FSHR: variants seen among roughly 807,000 people sequenced by gnomAD.
FSHR encodes the protein follicle-stimulating hormone receptor.
Under a neutral mutation model 52.1 loss-of-function variants are expected in FSHR, and 46 were observed. The ratio of observed to expected loss-of-function variants is 0.88; its 90% CI spans 0.70 to 1.13. FSHR has a LOEUF of 1.13. Ranked by LOEUF, FSHR falls within the 50% of genes most tolerant of loss-of-function variation. The pLI is 0.00. For missense variants in FSHR, 964 were observed against 834.6 expected (o/e 1.16, Z -1.91); for synonymous variants, 399 against 309.6 (o/e 1.29, Z -3.03).
chr2:49,008,273 G>A (rs1057378379), intron 4 of FSHR, among the ~76,000 whole-genome samples: 5 of 132,004 alleles, frequency 3.8e-5, no homozygotes, highest in East Asian at 4.7e-4. Context: ...GAGAATATGC[G>A]GTGTTTGGTT....
chr2:49,052,882 A>AG (rs1179423851), intron 2 of FSHR, among the ~76,000 whole-genome samples: 1 of 152,224 alleles, frequency 6.6e-6, no homozygotes, highest in Non-Finnish European at 1.5e-5. Flanking sequence ...TTGCAGTTAC[A>AG]GTTCTGGTTA....
intron 4 of FSHR, among the ~76,000 whole-genome samples, chr2:48,998,697 T>C (rs1676130980): frequency 6.6e-6 from 1 of 152,002 alleles, no homozygotes. Context: ...CTACCTATTT[T>C]AGTGAAGTTT....
chr2:49,124,101 C>T (rs1671914679), intron 1 of FSHR, among the ~76,000 whole-genome samples: 1 of 151,368 alleles, frequency 6.6e-6, no homozygotes, highest in Admixed American at 6.6e-5. Flanking sequence ...TTAGGCAATT[C>T]TCTGTCTCAG....
In FSHR at chr2:48,963,406, G is replaced by T. The variant is rs766731004; in HGVS notation, c.1415C>A (p.Thr472Lys). 1 of 1,614,100 alleles carries T rather than the reference G, an allele frequency of 6.2e-7. No homozygotes were observed. Among genetic ancestry groups the T allele is most frequent in the Non-Finnish European group, 8.5e-7 (1 of 1,179,976 alleles). Residue 472 changes from threonine (T) to lysine (K), a missense_variant, in exon 10 of 10, where the codon ACG becomes AAG. Physicochemically the swap from Thr to Lys is moderately conservative, Grantham distance 78 (BLOSUM62 -1). Coordinates refer to ENST00000406846, the MANE Select transcript of FSHR (RefSeq NM_000145.4). Reference protein sequence around the residue: ...AITLERWHTITHAMQLDCKVQ... With the variant: ...AITLERWHTIKHAMQLDCKVQ... ...CTTGCAGTCCAGCTGCATGGCATGC[G>T]TGATGGTATGCCATCTTTCCAAGGT...
chr2:48,964,023 A>T (rs1674361557), intron 9 of FSHR, 57 bp from the exon 10 acceptor site: 1 of 1,541,018 alleles, frequency 6.5e-7, no homozygotes, highest in Non-Finnish European at 8.9e-7. Context: ...TAGCAAATAC[A>T]TCACTGTCTT....
intron 4 of FSHR, among the ~76,000 whole-genome samples, chr2:49,017,129 A>G (rs374957380): frequency 6.6e-6 from 1 of 152,238 alleles, no homozygotes; most frequent in African/African-American, 2.4e-5. Context: ...TATGCAGAAT[A>G]AGAGAGACAA....
intron 3 of FSHR, 70 bp downstream of exon 3, chr2:49,020,016 G>A: frequency 1.5e-6 from 2 of 1,318,300 alleles, no homozygotes; most frequent in Non-Finnish European, 2.2e-6. Context: ...GGGCCTCCCA[G>A]GAATGTAGAA....
At chr2:49,057,319 G>A (rs1432494993) in intron 2 of FSHR, among the ~76,000 whole-genome samples, 1 of 151,776 alleles carries the variant, frequency 6.6e-6, no homozygotes, top group Non-Finnish European at 1.5e-5. Context: ...AATCAGAAAT[G>A]AAAAACATAC....
rs149862681 is a variant in FSHR at position 49,148,424 on chromosome 2, A to C, written c.152+5842T>G. On this transcript the variant is annotated intron_variant, in intron 1 of 9. Transcript: ENST00000406846. ...CATCTTTTATAAGAATTCTTTATTC[A>C]ATACTGAGGAGCAGAGCAAATAAAC... Among the ~76,000 whole-genome samples the C allele has an allele frequency of 7.9e-5, 12 of 152,184 alleles. No individual in the cohort carries two copies. In the East Asian group the frequency reaches 2.1e-3, roughly 27 times the overall value.
chr2:49,025,593 T>C (rs539347862), intron 2 of FSHR, among the ~76,000 whole-genome samples: 4 of 152,130 alleles, frequency 2.6e-5, no homozygotes, highest in Non-Finnish European at 4.4e-5. Context: ...AAAATTCCCA[T>C]GAAAATATGT....
chr2:49,017,539 C>T lies in FSHR; in HGVS notation c.324G>A (p.Leu108=), dbSNP rs1445254720. The T allele has an allele frequency of 1.9e-6, 3 of 1,613,480 alleles. No individual in the cohort carries two copies. Among genetic ancestry groups the T allele is most frequent in the East Asian group, 2.2e-5 (1 of 44,852 alleles). The change falls in exon 4 of 10, where the codon CTG becomes CTA. Residue 108 remains leucine, a synonymous_variant. Transcript: ENST00000406846. ...GGAAGGCCTCAGGGTTGATGTAGAGCAGGTTGTTGGCCTTTTCAATTCTAC... is the reference window on the plus strand; with the variant it reads ...GGAAGGCCTCAGGGTTGATGTAGAGTAGGTTGTTGGCCTTTTCAATTCTAC... The part of the protein sequence containing the change: ...HEIRIEKANN[L]LYINPEAFQN...
intron 5 of FSHR, among the ~76,000 whole-genome samples, chr2:48,990,280 A>T (rs1675708519): frequency 6.6e-6 from 1 of 152,088 alleles, no homozygotes; most frequent in Admixed American, 6.6e-5. Flanking sequence ...GGGGGGCAGT[A>T]ATTAAAGCGC....
intron 9 of FSHR, among the ~76,000 whole-genome samples, chr2:48,964,979 G>A (rs1180909316): frequency 1.5e-5 from 2 of 132,884 alleles, no homozygotes; most frequent in African/African-American, 5.7e-5. Flanking sequence ...CTTACGTTAG[G>A]ACCTTTTTGG....
At chr2:49,039,223 C>A (rs1408467332) in intron 2 of FSHR, among the ~76,000 whole-genome samples, 2 of 152,100 alleles carry the variant, frequency 1.3e-5, no homozygotes, top group East Asian at 3.8e-4. Context: ...CTCTAGGGAC[C>A]CTCTTACATC....
intron 4 of FSHR, among the ~76,000 whole-genome samples, chr2:49,009,187 T>G (rs1457544040): frequency 5.3e-5 from 8 of 151,566 alleles, no homozygotes; most frequent in African/African-American, 1.5e-4. Context: ...TTAATCCATC[T>G]TGAATTGATT....
rs79065868 is a variant in FSHR, at chr2:48,980,129, C to A, written c.668+2783G>T. ...GATCTGAAAGCCCCAGAAAGGGGGG[C>A]TTGATGTTAAGGTGAACAATTCTTT... On this transcript the variant is annotated intron_variant, in intron 8 of 9. Coordinates refer to ENST00000406846, the MANE Select transcript of FSHR (RefSeq NM_000145.4). Among the ~76,000 whole-genome samples, 281 of 152,236 alleles carry A rather than the reference C, an allele frequency of 1.8e-3. 3 individuals carry two copies. Among genetic ancestry groups the A allele is most frequent in the Non-Finnish European group, 2.7e-3 (184 of 68,010 alleles).
chr2:49,031,470 T>C lies in FSHR; in HGVS notation c.225-11310A>G, dbSNP rs147128552. On this transcript the variant is annotated intron_variant, in intron 2 of 9. Coordinates refer to ENST00000406846, the MANE Select transcript of FSHR (RefSeq NM_000145.4). ...TTTATTTTCCTACACATGCCCCCTT[T>C]CCCTTTTTTCAACACGTAAAGTAAC... Among the ~76,000 whole-genome samples, 484 of 152,304 alleles carry C rather than the reference T, an allele frequency of 3.2e-3. 4 individuals are homozygous for C. Among genetic ancestry groups the C allele is most frequent in the African/African-American group, 0.011 (464 of 41,560 alleles).
intron 2 of FSHR, among the ~76,000 whole-genome samples, chr2:49,023,023 A>T (rs1213333714): frequency 1.3e-5 from 2 of 152,146 alleles, no homozygotes; most frequent in African/African-American, 4.8e-5. Context: ...TTCTTTAGGG[A>T]AATAGTAATA....
chr2:48,964,101 C>G, intron 9 of FSHR, 135 bp from the exon 10 acceptor site: 1 of 754,818 alleles, frequency 1.3e-6, no homozygotes, highest in South Asian at 1.7e-5. Context: ...CATACCTGCC[C>G]TTGAGGCTAA....
Sources: gnomAD v4.1 joint callset for allele counts (sites outside exome capture counted in the v4.1 genomes callset) on GRCh38, gnomAD v4.1.1 for gene constraint, MANE v1.5 for transcripts, NCBI Gene and HGNC (gene_info 2026-07-23, HGNC 2026-07-21) for gene names.